Variants in COL14A1 observed in about 807,000 individuals in gnomAD.
COL14A1 encodes the protein collagen alpha-1(XIV) chain.
Under a neutral mutation model 230.3 loss-of-function variants are expected in COL14A1, and 136 were observed. The ratio of observed to expected loss-of-function variants is 0.59; its 90% CI spans 0.51 to 0.68. The LOEUF (loss-of-function observed/expected upper bound fraction) is 0.68, where lower values mean the gene tolerates loss of function less well. Ranked by LOEUF, COL14A1 falls within the 30% of genes least tolerant of loss-of-function variation. COL14A1 has a pLI of 0.00. For synonymous variants in COL14A1, 792 were observed against 784.1 expected, an observed-to-expected ratio of 1.01 and a Z score of -0.17; for missense variants, 1,976 against 2,215.8, an observed-to-expected ratio of 0.89 and a Z score of 2.17.
chr8:120,242,537 C>CTT (rs1182740807), intron 19 of COL14A1, among the ~76,000 whole-genome samples: 3 of 152,148 alleles, frequency 2.0e-5, no homozygotes, highest in Non-Finnish European at 4.4e-5. Flanking sequence ...GAGAAACACC[C>CTT]TGAGGGAAGC....
At position 120,280,723 on chromosome 8, in the gene COL14A1, T is replaced by A; in HGVS notation, c.3659T>A (p.Val1220Glu). The A allele has an allele frequency of 6.2e-7, 1 of 1,613,498 alleles. No homozygotes were observed. The highest frequency in any genetic ancestry group is 8.5e-7 in the Non-Finnish European group (1 of 1,179,770). Reference protein sequence around the residue: ...CETASATCPVVHKDGIDLAGF... With the variant: ...CETASATCPVEHKDGIDLAGF... ...TTTGGTTTTCCAGCCTGTCCAGTGG[T>A]ACACAAGGATGGCATTGATCTTGCA... The change falls in exon 30 of 48, where the codon GTA becomes GAA. Residue 1220 changes from valine (V) to glutamate (E), a missense_variant. By Grantham distance (121) the Val-to-Glu change is moderately radical (BLOSUM62 -2). Transcript: ENST00000297848.
chr8:120,229,642 G>A (rs1052003312), intron 18 of COL14A1, among the ~76,000 whole-genome samples: 1 of 152,124 alleles, frequency 6.6e-6, no homozygotes, highest in African/African-American at 2.4e-5. Flanking sequence ...TGGGATGGCT[G>A]GGTCAAATGG....
chr8:120,303,333 G>A (rs768101439), intron 36 of COL14A1, among the ~76,000 whole-genome samples: 2 of 152,146 alleles, frequency 1.3e-5, no homozygotes, highest in Non-Finnish European at 1.5e-5. Flanking sequence ...AATAGGAAAT[G>A]CTTCCAGCTT....
At chr8:120,368,240 T>G (rs7819405) in intron 46 of COL14A1, among the ~76,000 whole-genome samples, 29,989 of 152,028 alleles carry the variant, frequency 0.2, 3,889 homozygotes, top group African/African-American at 0.36. Context: ...TATTATAATA[T>G]ATATTTATAA....
At chr8:120,154,080 C>T (rs913795274) in intron 2 of COL14A1, among the ~76,000 whole-genome samples, 1 of 152,126 alleles carries the variant, frequency 6.6e-6, no homozygotes, top group Non-Finnish European at 1.5e-5. Context: ...TAGGGAAGAA[C>T]ACAAGATGTC....
At chr8:120,293,114 G>A (rs1820423646) in intron 34 of COL14A1, among the ~76,000 whole-genome samples, 4 of 151,940 alleles carry the variant, frequency 2.6e-5, no homozygotes, top group African/African-American at 9.7e-5. Context: ...TTCTAGAAAA[G>A]TTTTGAGCTT....
intron 40 of COL14A1, among the ~76,000 whole-genome samples, chr8:120,324,738 A>G (rs1049514288): frequency 1.3e-5 from 2 of 152,218 alleles, no homozygotes; most frequent in Non-Finnish European, 2.9e-5. Context: ...GGTTAGTATC[A>G]TGACCTACCA....
chr8:120,131,034 G>T (rs563597292), intron 1 of COL14A1, among the ~76,000 whole-genome samples: 11 of 152,088 alleles, frequency 7.2e-5, no homozygotes, highest in Non-Finnish European at 1.5e-4. Context: ...CCATGTTGCC[G>T]CAAAGGACAT....
intron 2 of COL14A1, among the ~76,000 whole-genome samples, chr8:120,152,469 C>CAA (rs397891260): frequency 0.011 from 675 of 59,338 alleles, 22 homozygotes; most frequent in East Asian, 0.023. Context: ...GATTCCATCT[C>CAA]AAAAAAAAAA....
chr8:120,124,942 C>T (rs932782409), upstream of COL14A1, among the ~76,000 whole-genome samples: 1 of 152,080 alleles, frequency 6.6e-6, no homozygotes, highest in Non-Finnish European at 1.5e-5. Flanking sequence ...GTGAGCGGCA[C>T]GGGGCTGGCT....
At chr8:120,207,736 C>G (rs2130750466) in intron 10 of COL14A1, among the ~76,000 whole-genome samples, 1 of 151,910 alleles carries the variant, frequency 6.6e-6, no homozygotes, top group South Asian at 2.1e-4. Flanking sequence ...GTTCTAGCCT[C>G]TGACTGACCT....
chr8:120,192,685 A>G (rs1451771595), intron 5 of COL14A1, among the ~76,000 whole-genome samples: 1 of 151,978 alleles, frequency 6.6e-6, no homozygotes, highest in Non-Finnish European at 1.5e-5. Flanking sequence ...AGGTAAACCA[A>G]TCAGACATAG....
intron 45 of COL14A1, among the ~76,000 whole-genome samples, chr8:120,355,818 A>G (rs2130343812): frequency 6.6e-6 from 1 of 152,296 alleles, no homozygotes; most frequent in South Asian, 2.1e-4. Flanking sequence ...CTAACCATCT[A>G]AAGATTTTCA....
chr8:120,178,190 T>G (rs1816347831), intron 5 of COL14A1, among the ~76,000 whole-genome samples: 1 of 152,124 alleles, frequency 6.6e-6, no homozygotes. Flanking sequence ...ACCCATCATC[T>G]GCATTAGGTA....
At chr8:120,370,460 G>A in intron 47 of COL14A1, 1 of 1,554,738 alleles carries the variant, frequency 6.4e-7, no homozygotes. Context: ...CCAAGCCCCT[G>A]CCCCTAACAA....
intron 13 of COL14A1, among the ~76,000 whole-genome samples, chr8:120,215,469 A>T (rs1817724419): frequency 6.6e-6 from 1 of 152,070 alleles, no homozygotes; most frequent in African/African-American, 2.4e-5. Context: ...CATGCTAAGA[A>T]CTGTGGGTTT....
intron 18 of COL14A1, 71 bp from the exon 19 acceptor site, chr8:120,231,396 G>T (rs1818262106): frequency 6.7e-7 from 1 of 1,482,538 alleles, no homozygotes. Flanking sequence ...CACCCCACAG[G>T]TATTCTCTGT....
At chr8:120,369,522 T>C (rs761465342) in intron 47 of COL14A1, 37 bp downstream of exon 47, 13 of 1,503,836 alleles carry the variant, frequency 8.6e-6, no homozygotes, top group Non-Finnish European at 1.2e-5. Context: ...TGGGCTTTGA[T>C]CAATGTTTTA....
chr8:120,324,080 G>A (rs2130166532), intron 40 of COL14A1, among the ~76,000 whole-genome samples: 1 of 152,106 alleles, frequency 6.6e-6, no homozygotes, highest in Non-Finnish European at 1.5e-5. Flanking sequence ...GAGGGTGGAG[G>A]GAGACAGGAG....
Sources: allele counts gnomAD v4.1 joint callset (sites outside exome capture counted in the v4.1 genomes callset), GRCh38; gene constraint gnomAD v4.1.1; transcripts MANE v1.5; gene names NCBI Gene and HGNC (gene_info 2026-07-23, HGNC 2026-07-21).